CDH18: variants seen among roughly 807,000 people sequenced by gnomAD.
The protein encoded by CDH18 is cadherin 18.
In CDH18, 31 loss-of-function variants were observed where a neutral mutation model predicts 67.9. The ratio of observed to expected loss-of-function variants is 0.46; its 90% CI spans 0.34 to 0.62. CDH18 has a LOEUF of 0.62. Ranked by LOEUF, CDH18 falls within the 20% of genes least tolerant of loss-of-function variation. The pLI is 0.01. For synonymous variants in CDH18, 362 were observed against 347.2 expected, an observed-to-expected ratio of 1.04 and a Z score of -0.48; for missense variants, 890 against 975.5, an observed-to-expected ratio of 0.91 and a Z score of 1.17.
chr5:20,233,660 G>T (rs1742254683), intron 2 of CDH18, among the ~76,000 whole-genome samples: 1 of 151,840 alleles, frequency 6.6e-6, no homozygotes, highest in Admixed American at 6.6e-5. Flanking sequence ...GTTTGCATGT[G>T]TATTTATTTA....
chr5:20,024,834 T>C (rs1025954710), intron 2 of CDH18, among the ~76,000 whole-genome samples: 1 of 152,152 alleles, frequency 6.6e-6, no homozygotes, highest in Non-Finnish European at 1.5e-5. Context: ...TGTAGAATAC[T>C]TAGAAGCAAT....
intron 3 of CDH18, among the ~76,000 whole-genome samples, chr5:19,792,299 C>A (rs1310577693): frequency 6.6e-6 from 1 of 152,152 alleles, no homozygotes; most frequent in African/African-American, 2.4e-5. Flanking sequence ...TCTTCTCCTG[C>A]CCTCCGACCT....
intron 1 of CDH18, among the ~76,000 whole-genome samples, chr5:20,313,767 C>T (rs1242071592): frequency 6.6e-6 from 1 of 151,866 alleles, no homozygotes. Flanking sequence ...CTGAAAAAAA[C>T]TAGATATATG....
chr5:20,362,728 C>A (rs1742185109), intron 1 of CDH18, among the ~76,000 whole-genome samples: 1 of 152,124 alleles, frequency 6.6e-6, no homozygotes, highest in Admixed American at 6.6e-5. Context: ...ATGTTTCTCC[C>A]TGCTTGTAGA....
intron 4 of CDH18, among the ~76,000 whole-genome samples, chr5:19,736,792 T>C (rs1768394396): frequency 6.6e-6 from 1 of 152,198 alleles, no homozygotes; most frequent in Admixed American, 6.5e-5. Flanking sequence ...TTCCATGGTG[T>C]CTCTGTGTGG....
chr5:19,554,768 C>G (rs1000060940), intron 8 of CDH18, among the ~76,000 whole-genome samples: 1 of 151,912 alleles, frequency 6.6e-6, no homozygotes, highest in African/African-American at 2.4e-5. Flanking sequence ...TAAACTTTAA[C>G]CAGAAATGGA....
chr5:19,904,081 T>C (rs1238232949), intron 2 of CDH18, among the ~76,000 whole-genome samples: 2 of 151,356 alleles, frequency 1.3e-5, no homozygotes, highest in Non-Finnish European at 2.9e-5. Flanking sequence ...CAAGGGCAGG[T>C]TGGCTAATAT....
chr5:19,730,981 G>T (rs751365857), intron 4 of CDH18, among the ~76,000 whole-genome samples: 2 of 152,154 alleles, frequency 1.3e-5, no homozygotes, highest in Non-Finnish European at 2.9e-5. Context: ...GCTTTCTGCT[G>T]GATGGCTACT....
intron 11 of CDH18, among the ~76,000 whole-genome samples, chr5:19,495,009 G>A (rs753021230): frequency 2.6e-5 from 4 of 152,092 alleles, no homozygotes; most frequent in Admixed American, 6.6e-5. Flanking sequence ...TTCATTAACA[G>A]TTCGTACTGT....
chr5:19,518,608 G>T (rs755930552), intron 10 of CDH18, among the ~76,000 whole-genome samples: 1 of 152,068 alleles, frequency 6.6e-6, no homozygotes, highest in Non-Finnish European at 1.5e-5. Context: ...TTCCTGTGCT[G>T]GATCCTTCCT....
rs184183007 is a variant in CDH18, at chr5:19,763,239, A to C, written c.229-16003T>G. Among the ~76,000 whole-genome samples the C allele has an allele frequency of 1.3e-4, 20 of 152,344 alleles. 1 individual carries two copies. The East Asian group carries it at 3.7e-3, about 28-fold the overall frequency. On this transcript the variant is annotated intron_variant, in intron 3 of 12. Transcript: ENST00000382275. Reference sequence around the variant, plus strand: ...TTGTGCACATGTATCCTAGGACTTAATGTACAAGAAATGAAATAATGCTAT... The same window carrying C: ...TTGTGCACATGTATCCTAGGACTTACTGTACAAGAAATGAAATAATGCTAT...
At chr5:19,852,005 A>G (rs1348719118) in intron 2 of CDH18, among the ~76,000 whole-genome samples, 1 of 152,094 alleles carries the variant, frequency 6.6e-6, no homozygotes, top group African/African-American at 2.4e-5. Context: ...CATCTCAGAA[A>G]AGGTCAAATA....
Position 19,472,899 on chromosome 5 carries a change from A to G in CDH18, c.*327T>C. 5.1e-6 allele frequency: 1 copy of G among 197,248 alleles called. No homozygotes were observed. Among genetic ancestry groups the G allele is most frequent in the South Asian group, 1.1e-4 (1 of 9,462 alleles). The allele number at this position is 197,248 out of a possible 1,614,324, so 12.2% of individuals were successfully genotyped here. ...TCTGTTTAGTTTTGCTTTTGAAAAA[A>G]ATAAATCACAATATATTGAAACAAA... On this transcript the variant is annotated 3_prime_UTR_variant, in exon 13 of 13. Coordinates refer to ENST00000382275, the MANE Select transcript of CDH18 (RefSeq NM_004934.5).
intron 3 of CDH18, among the ~76,000 whole-genome samples, chr5:19,787,809 T>TTATATATATATATATATATGTTTACA (rs1775970055): frequency 6.9e-6 from 1 of 144,400 alleles, no homozygotes; most frequent in South Asian, 2.2e-4. Flanking sequence ...TAATTTACAG[T>TTATATATATATATATATATGTTTACA]TATATATATA....
intron 5 of CDH18, among the ~76,000 whole-genome samples, chr5:19,698,614 T>C (rs980910157): frequency 7.2e-5 from 11 of 151,968 alleles, no homozygotes; most frequent in Non-Finnish European, 1.5e-4. Context: ...TAGGAATCAA[T>C]GTAATAAAAA....
chr5:20,509,784 A>G (rs966239203), intron 1 of CDH18, among the ~76,000 whole-genome samples: 4 of 152,048 alleles, frequency 2.6e-5, no homozygotes, highest in Non-Finnish European at 4.4e-5. Context: ...TATTTATCCA[A>G]TCATCTATGG....
Position 19,777,962 on chromosome 5 carries a change from C to T in CDH18, c.229-30726G>A, listed in dbSNP as rs557543876. 9.9e-5 allele frequency among the ~76,000 whole-genome samples: 15 copies of T among 152,194 alleles called. No homozygotes were observed. The South Asian group carries it at 3.1e-3, about 32-fold the overall frequency. The stretch of plus-strand genomic sequence containing the variant: ...GGCAATAAGAGAATAATATGAATAG[C>T]TTTATGCTAATAAATTCAACAAATC... On this transcript the variant is annotated intron_variant, in intron 3 of 12. Coordinates refer to ENST00000382275, the MANE Select transcript of CDH18 (RefSeq NM_004934.5).
chr5:20,092,347 A>G (rs1331112357), intron 2 of CDH18, among the ~76,000 whole-genome samples: 1 of 152,184 alleles, frequency 6.6e-6, no homozygotes, highest in Non-Finnish European at 1.5e-5. Flanking sequence ...GTATCTTGCT[A>G]AACTAGAAAA....
At chr5:19,599,801 G>A (rs1197548899) in intron 6 of CDH18, among the ~76,000 whole-genome samples, 5 of 152,046 alleles carry the variant, frequency 3.3e-5, no homozygotes, top group African/African-American at 1.2e-4. Flanking sequence ...GCAGGAGAAT[G>A]GCGTGAACCC....
Sources: allele counts gnomAD v4.1 joint callset (sites outside exome capture counted in the v4.1 genomes callset), GRCh38; gene constraint gnomAD v4.1.1; transcripts MANE v1.5; gene names NCBI Gene and HGNC (gene_info 2026-07-23, HGNC 2026-07-21).